SNAP91: variants seen among roughly 807,000 people sequenced by gnomAD.
SNAP91 encodes clathrin coat assembly protein AP180.
Under a neutral mutation model 100.3 loss-of-function variants are expected in SNAP91, and 27 were observed. The observed-to-expected ratio is 0.27, with a 90% CI of 0.20 to 0.37. SNAP91 has a LOEUF of 0.37. Ranked by LOEUF, SNAP91 falls within the 10% of genes least tolerant of loss-of-function variation. The pLI, the probability that SNAP91 is intolerant of heterozygous loss-of-function variation, is 1.00. For missense variants in SNAP91, 986 were observed against 1,123.7 expected (o/e 0.88, Z 1.75); for synonymous variants, 404 against 398.6 (o/e 1.01, Z -0.16).
chr6:83,628,080 C>T (rs1447499439), intron 8 of SNAP91, among the ~76,000 whole-genome samples: 2 of 151,748 alleles, frequency 1.3e-5, no homozygotes, highest in South Asian at 2.1e-4. Flanking sequence ...TAGCTTAGCT[C>T]CCACTTATAA....
At chr6:83,622,166 C>A (rs1211964892) in intron 9 of SNAP91, among the ~76,000 whole-genome samples, 2 of 151,908 alleles carry the variant, frequency 1.3e-5, no homozygotes, top group Admixed American at 6.6e-5. Context: ...ATATTTTATA[C>A]CAATATTCTG....
chr6:83,706,709 C>A (rs773347495), intron 2 of SNAP91, among the ~76,000 whole-genome samples: 2 of 152,202 alleles, frequency 1.3e-5, no homozygotes, highest in Admixed American at 1.3e-4. Flanking sequence ...ACCAAAAAAA[C>A]CCAGAAGATG....
Position 83,592,991 on chromosome 6 carries a change from C to T in SNAP91, c.1801G>A (p.Ala601Thr). Reference protein sequence around the residue: ...TDAFSSPPQGASPVPESSLTA... With the variant: ...TDAFSSPPQGTSPVPESSLTA... ...AGAGAACTCTCAGGCACAGGAGAGG[C>T]CCCTTGTGGTGGAGAGGAGAAAGCA... is the stretch of plus-strand genomic sequence containing the variant. The change falls in exon 20 of 30, where the codon GCC becomes ACC. Residue 601 changes from alanine (A) to threonine (T), a missense_variant. Ala to Thr is a moderately conservative substitution (Grantham distance 58, BLOSUM62 0). Coordinates refer to ENST00000369694, the MANE Select transcript of SNAP91 (RefSeq NM_001242792.2). 6.3e-7 allele frequency: 1 copy of T among 1,585,494 alleles called. No homozygotes were observed. Among genetic ancestry groups the T allele is most frequent in the Non-Finnish European group, 8.6e-7 (1 of 1,165,478 alleles).
At chr6:83,584,169 AATTTGTCTGGT>A (rs1832433124) in intron 22 of SNAP91, among the ~76,000 whole-genome samples, 1 of 152,178 alleles carries the variant, frequency 6.6e-6, no homozygotes, top group African/African-American at 2.4e-5. Flanking sequence ...CTCAAGTTGG[AATTTGTCTGGT>A]AAATTTAGGC....
chr6:83,591,072 T>C, intron 22 of SNAP91, 139 bp downstream of exon 22: 3 of 615,148 alleles, frequency 4.9e-6, no homozygotes, highest in Non-Finnish European at 8.6e-6. Context: ...AGTTTTTCAA[T>C]ACTTGTCCCC....
chr6:83,649,871 G>A (rs1248919316), intron 7 of SNAP91, among the ~76,000 whole-genome samples: 2 of 152,068 alleles, frequency 1.3e-5, no homozygotes, highest in African/African-American at 2.4e-5. Flanking sequence ...TTACAGGCGT[G>A]AGCCACCACG....
chr6:83,614,808 A>G (rs1052694721), intron 11 of SNAP91, 49 bp downstream of exon 11: 7 of 1,458,020 alleles, frequency 4.8e-6, no homozygotes, highest in Admixed American at 2.0e-5. Flanking sequence ...TGTTTTTTGC[A>G]TTTTTAGTAA....
chr6:83,616,897 T>C (rs1584034299), intron 10 of SNAP91, 72 bp downstream of exon 10: 14 of 1,042,844 alleles, frequency 1.3e-5, no homozygotes, highest in Non-Finnish European at 2.0e-5. Context: ...AGTTGTACCA[T>C]GATAAATCTC....
intron 26 of SNAP91, among the ~76,000 whole-genome samples, chr6:83,564,778 T>C (rs562781830): frequency 4.9e-4 from 74 of 151,990 alleles, no homozygotes; most frequent in Middle Eastern, 3.4e-3. Flanking sequence ...AAAAATTTAA[T>C]GTAAGAGGTA....
At chr6:83,574,546 G>T (rs1321090585) in intron 26 of SNAP91, among the ~76,000 whole-genome samples, 1 of 152,050 alleles carries the variant, frequency 6.6e-6, no homozygotes, top group African/African-American at 2.4e-5. Context: ...AGGAAAAAAA[G>T]TTATTACTTA....
rs551452537 is a variant in SNAP91, at chr6:83,613,256, A to G, written c.884+1601T>C. 3.1e-3 allele frequency among the ~76,000 whole-genome samples: 474 copies of G among 152,294 alleles called. 1 individual carries two copies. Among genetic ancestry groups the G allele is most frequent in the Admixed American group, 6.9e-3 (106 of 15,290 alleles). ...TTCTCTATCTTCTTCACTAGATACT[A>G]AGTTTTTTGAAAGGAAGGAACTCAT... On this transcript the variant is annotated intron_variant, in intron 11 of 29. Coordinates refer to ENST00000369694, the MANE Select transcript of SNAP91 (RefSeq NM_001242792.2).
chr6:83,655,056 T>G (rs2098358690), intron 7 of SNAP91, among the ~76,000 whole-genome samples: 1 of 152,168 alleles, frequency 6.6e-6, no homozygotes, highest in Admixed American at 6.6e-5. Flanking sequence ...TGAATGTATT[T>G]AGTGGGCAAG....
chr6:83,621,651 C>T (rs6935899), intron 9 of SNAP91, among the ~76,000 whole-genome samples: 119,343 of 152,098 alleles, frequency 0.78, 47,171 homozygotes, highest in African/African-American at 0.86. Flanking sequence ...CTTTCAATGA[C>T]ATGCTCTCAT....
At chr6:83,630,576 G>C (rs545039885) in intron 8 of SNAP91, among the ~76,000 whole-genome samples, 2 of 152,120 alleles carry the variant, frequency 1.3e-5, no homozygotes, top group East Asian at 1.9e-4. Flanking sequence ...TAGGAGGATT[G>C]TATCTTTCCA....
At chr6:83,585,095 A>G (rs1011859132) in intron 22 of SNAP91, among the ~76,000 whole-genome samples, 1 of 152,362 alleles carries the variant, frequency 6.6e-6, no homozygotes, top group South Asian at 2.1e-4. Context: ...CATTACAGTC[A>G]TTCATGAGGC....
chr6:83,650,249 C>T (rs58089606), intron 7 of SNAP91, among the ~76,000 whole-genome samples: 120 of 152,196 alleles, frequency 7.9e-4, no homozygotes, highest in African/African-American at 8.9e-4. Context: ...ATAAAATCTT[C>T]GGACATTAAT....
At chr6:83,642,657 C>A (rs2097759676) in intron 7 of SNAP91, among the ~76,000 whole-genome samples, 1 of 152,184 alleles carries the variant, frequency 6.6e-6, no homozygotes, top group African/African-American at 2.4e-5. Flanking sequence ...CATACGTGTG[C>A]ATGTGCTTTT....
intron 17 of SNAP91, 65 bp from the exon 18 acceptor site, chr6:83,593,806 T>C: frequency 1.3e-6 from 2 of 1,508,150 alleles, no homozygotes; most frequent in Non-Finnish European, 1.8e-6. Context: ...GACAGCATCA[T>C]AACTATGGCA....
intron 11 of SNAP91, 62 bp from the exon 12 acceptor site, chr6:83,610,739 AT>A (rs2095986445): frequency 1.7e-5 from 3 of 180,988 alleles, no homozygotes; most frequent in Non-Finnish European, 2.9e-5. Context: ...ATATATATAT[AT>A]ATATATAAAT....
Sources: allele counts gnomAD v4.1 joint callset (sites outside exome capture counted in the v4.1 genomes callset), GRCh38; gene constraint gnomAD v4.1.1; transcripts MANE v1.5; gene names NCBI Gene and HGNC (gene_info 2026-07-23, HGNC 2026-07-21).